Variants in HS3ST2 observed in about 807,000 individuals in gnomAD.
HS3ST2 encodes heparan sulfate-glucosamine 3-sulfotransferase 2.
HS3ST2 carries 17 observed loss-of-function variants against 26.3 expected under a neutral mutation model. The observed-to-expected ratio is 0.65, with a 90% CI of 0.44 to 0.97. The LOEUF (loss-of-function observed/expected upper bound fraction) is 0.97, where lower values mean the gene tolerates loss of function less well. Ranked by LOEUF, HS3ST2 falls within the 50% of genes least tolerant of loss-of-function variation. The pLI is 0.00. For synonymous variants in HS3ST2, 237 were observed against 219.2 expected, an observed-to-expected ratio of 1.08 and a Z score of -0.72; for missense variants, 402 against 501.2, an observed-to-expected ratio of 0.80 and a Z score of 1.89.
chr16:22,830,178 A>T (rs1901148474), intron 1 of HS3ST2, among the ~76,000 whole-genome samples: 1 of 152,152 alleles, frequency 6.6e-6, no homozygotes, highest in Non-Finnish European at 1.5e-5. Flanking sequence ...AGCTCTCTGC[A>T]ACTTGGTCAT....
intron 1 of HS3ST2, among the ~76,000 whole-genome samples, chr16:22,825,245 T>G (rs112368561): frequency 1.3e-5 from 2 of 152,334 alleles, no homozygotes; most frequent in African/African-American, 4.8e-5. Flanking sequence ...CACATAGGGT[T>G]GCTGTGAAGA....
At chr16:22,912,816 G>A (rs1235037935) in intron 1 of HS3ST2, among the ~76,000 whole-genome samples, 1 of 152,088 alleles carries the variant, frequency 6.6e-6, no homozygotes, top group Non-Finnish European at 1.5e-5. Flanking sequence ...TCGGGGCGTT[G>A]CCATGGCAAT....
chr16:22,863,539 G>C (rs1567491048), intron 1 of HS3ST2, among the ~76,000 whole-genome samples: 1 of 152,262 alleles, frequency 6.6e-6, no homozygotes, highest in Non-Finnish European at 1.5e-5. Context: ...CACCCAGAGA[G>C]TGAGCATAGT....
Position 22,914,818 on chromosome 16 carries a change from C to A in HS3ST2, c.486-126C>A, listed in dbSNP as rs902836736. The A allele has an allele frequency of 6.8e-5, 54 of 793,146 alleles. No individual in the cohort carries two copies. The Admixed American group carries it at 1.3e-3, about 19-fold the overall frequency. 49.1% of individuals were successfully genotyped at this position (793,146 alleles called of 1,614,324 possible). On this transcript the variant is annotated intron_variant, in intron 1 of 1. Transcript: ENST00000261374. ...AAGTGAGTACCTCACCAGGTGAAAG[C>A]TTTGAGTGGAACAGAGGCCAGGAGG...
Position 22,906,585 on chromosome 16 carries a change from T to C in HS3ST2, c.486-8359T>C, listed in dbSNP as rs144446259. On this transcript the variant is annotated intron_variant, in intron 1 of 1. Transcript: ENST00000261374. ...CAGTGTACAGGTGGCAAAACAGAAA[T>C]GGCATGAGACGTTCCTTTAAATCTC... 2.9e-3 allele frequency among the ~76,000 whole-genome samples: 438 copies of C among 152,258 alleles called. 3 individuals are homozygous for C. Among genetic ancestry groups the C allele is most frequent in the Middle Eastern group, 0.01 (3 of 292 alleles).
intron 1 of HS3ST2, among the ~76,000 whole-genome samples, chr16:22,914,355 A>G (rs1222787685): frequency 6.6e-6 from 1 of 152,108 alleles, no homozygotes; most frequent in African/African-American, 2.4e-5. Context: ...TTAATTGGCT[A>G]TTCCACAATT....
chr16:22,876,055 A>G (rs1297034136), intron 1 of HS3ST2, among the ~76,000 whole-genome samples: 1 of 152,186 alleles, frequency 6.6e-6, no homozygotes, highest in African/African-American at 2.4e-5. Flanking sequence ...CTATTGTCAC[A>G]TTTCTCAGAA....
chr16:22,887,741 G>A (rs1213529484), intron 1 of HS3ST2, among the ~76,000 whole-genome samples: 1 of 150,422 alleles, frequency 6.6e-6, no homozygotes, highest in East Asian at 2.0e-4. Context: ...GAGGCCAGGA[G>A]TTTGAGACCA....
At chr16:22,912,362 T>A (rs913754000) in intron 1 of HS3ST2, among the ~76,000 whole-genome samples, 1 of 152,056 alleles carries the variant, frequency 6.6e-6, no homozygotes, top group Non-Finnish European at 1.5e-5. Flanking sequence ...GCCAGGGTAT[T>A]GGGTGGAGAT....
At chr16:22,902,502 C>G (rs918821487) in intron 1 of HS3ST2, among the ~76,000 whole-genome samples, 1 of 152,220 alleles carries the variant, frequency 6.6e-6, no homozygotes, top group African/African-American at 2.4e-5. Flanking sequence ...ATGTCAACTG[C>G]AAATACTGCA....
At chr16:22,860,911 C>T (rs899671961) in intron 1 of HS3ST2, among the ~76,000 whole-genome samples, 6 of 151,382 alleles carry the variant, frequency 4.0e-5, no homozygotes, top group African/African-American at 9.7e-5. Context: ...CTTAGTTTGT[C>T]GCCCAGGCTG....
At chr16:22,897,235 TA>T (rs767677026) in intron 1 of HS3ST2, among the ~76,000 whole-genome samples, 4 of 152,240 alleles carry the variant, frequency 2.6e-5, no homozygotes, top group African/African-American at 9.6e-5. Flanking sequence ...AAGTTGTAAT[TA>T]TTTTTTTTTA....
At chr16:22,912,982 T>C (rs1038477931) in intron 1 of HS3ST2, among the ~76,000 whole-genome samples, 1 of 152,036 alleles carries the variant, frequency 6.6e-6, no homozygotes, top group East Asian at 1.9e-4. Flanking sequence ...GGGAAAGGTG[T>C]TTCTCAACTC....
At chr16:22,853,462 T>C (rs1402290746) in intron 1 of HS3ST2, among the ~76,000 whole-genome samples, 2 of 152,166 alleles carry the variant, frequency 1.3e-5, no homozygotes, top group Non-Finnish European at 2.9e-5. Context: ...CAGGAATCCG[T>C]GAATGGGTAA....
intron 1 of HS3ST2, among the ~76,000 whole-genome samples, chr16:22,868,106 AT>A (rs1046604042): frequency 1.1e-4 from 16 of 152,322 alleles, no homozygotes; most frequent in African/African-American, 3.4e-4. Flanking sequence ...AAATAAGAAC[AT>A]TAAAAGTCTG....
Position 22,814,544 on chromosome 16 carries a change from G to C in HS3ST2, c.-67G>C. The C allele has an allele frequency of 7.0e-7, 1 of 1,433,542 alleles. No individual in the cohort carries two copies. The highest frequency in any genetic ancestry group is 9.1e-7 in the Non-Finnish European group (1 of 1,102,872). The allele number at this position is 1,433,542 out of a possible 1,614,324, so 88.8% of individuals were successfully genotyped here. ...ACGCGAGCCCTCTAGGCGACCGCAGGGCCACAGCAGCTCAGCCGCCGGTGC... is the reference window on the plus strand; with the variant it reads ...ACGCGAGCCCTCTAGGCGACCGCAGCGCCACAGCAGCTCAGCCGCCGGTGC... On this transcript the variant is annotated 5_prime_UTR_variant, in exon 1 of 2. Transcript: ENST00000261374.
At chr16:22,907,562 A>C (rs1188905214) in intron 1 of HS3ST2, among the ~76,000 whole-genome samples, 1 of 152,222 alleles carries the variant, frequency 6.6e-6, no homozygotes, top group Non-Finnish European at 1.5e-5. Context: ...AGAACGAAAG[A>C]CACTGGATTT....
intron 1 of HS3ST2, among the ~76,000 whole-genome samples, chr16:22,843,658 G>A (rs895354579): frequency 6.6e-6 from 1 of 152,140 alleles, no homozygotes; most frequent in African/African-American, 2.4e-5. Context: ...CATGGAGGCG[G>A]GGTGCATCAC....
At chr16:22,830,495 G>A (rs1015226314) in intron 1 of HS3ST2, among the ~76,000 whole-genome samples, 51 of 152,200 alleles carry the variant, frequency 3.4e-4, no homozygotes, top group African/African-American at 1.1e-3. Flanking sequence ...GAGGAACATT[G>A]GGATGGTGGG....
Sources: gnomAD v4.1 joint callset for allele counts (sites outside exome capture counted in the v4.1 genomes callset) on GRCh38, gnomAD v4.1.1 for gene constraint, MANE v1.5 for transcripts, NCBI Gene and HGNC (gene_info 2026-07-23, HGNC 2026-07-21) for gene names.